Variants in SPART observed in about 807,000 individuals in gnomAD.
The protein encoded by SPART is spastic paraplegia 20 (Troyer syndrome).
Under a neutral mutation model 58.7 loss-of-function variants are expected in SPART, and 35 were observed. That is an observed-to-expected ratio of 0.60 (90% CI 0.46 to 0.79). The LOEUF is 0.79. Among genes scored for constraint, SPART ranks in the 30% least tolerant of loss-of-function variants. SPART has a pLI of 0.00. For synonymous variants in SPART, 284 were observed against 280.7 expected, an observed-to-expected ratio of 1.01 and a Z score of -0.12; for missense variants, 730 against 786.1, an observed-to-expected ratio of 0.93 and a Z score of 0.85.
intron 3 of SPART, 21 bp downstream of exon 3, chr13:36,331,378 A>G (rs776991048): frequency 4.3e-6 from 7 of 1,609,536 alleles, no homozygotes; most frequent in Non-Finnish European, 6.0e-6. Flanking sequence ...TTTTCACCCT[A>G]AAGATGATCA....
At chr13:36,308,926 T>C (rs1204047467) in intron 8 of SPART, among the ~76,000 whole-genome samples, 2 of 152,194 alleles carry the variant, frequency 1.3e-5, no homozygotes, top group East Asian at 3.9e-4. Flanking sequence ...ATCTATTGTA[T>C]GTTTTATCTC....
rs1185052606 is a variant in SPART, at chr13:36,312,530, T to G, written c.1484-53A>C. 8.5e-6 allele frequency: 13 copies of G among 1,525,144 alleles called. 1 individual carries two copies. The Admixed American group carries it at 2.2e-4, about 26-fold the overall frequency. 94.5% of individuals were successfully genotyped at this position (1,525,144 alleles called of 1,614,324 possible). On this transcript the variant is annotated intron_variant, in intron 6 of 8. Coordinates refer to ENST00000438666, the MANE Select transcript of SPART (RefSeq NM_015087.5). ...TAGGAAAAATATATTATTCCCTTGA[T>G]TTTTACCACTCATCTTGCAACATTC...
At chr13:36,349,312 T>G (rs1020856394), upstream of SPART, among the ~76,000 whole-genome samples, 1 of 152,158 alleles carries the variant, frequency 6.6e-6, no homozygotes, top group East Asian at 1.9e-4. Flanking sequence ...AATTTTTGTT[T>G]TATGAGGTAT....
chr13:36,334,943 G>A (rs974874208), intron 2 of SPART, 78 bp downstream of exon 2: 4 of 1,182,136 alleles, frequency 3.4e-6, no homozygotes, highest in Non-Finnish European at 5.0e-6. Context: ...ACTTATACTG[G>A]ACACATAAAC....
chr13:36,335,792 A>C lies in SPART; in HGVS notation c.39T>G (p.Ile13Met), dbSNP rs2137556989. 1 of 1,613,570 alleles carries C rather than the reference A, an allele frequency of 6.2e-7. No individual in the cohort carries two copies. The highest frequency in any genetic ancestry group is 2.2e-5 in the East Asian group (1 of 44,882). Residue 13 changes from isoleucine to methionine, a missense_variant, in exon 2 of 9, where the codon ATT (isoleucine) becomes ATG (methionine). Physicochemically the swap from Ile to Met is conservative, Grantham distance 10. Transcript: ENST00000438666. ...TCTTATATGCTTCTCTGATGATCTTAATTTCAGCAGGTTCTCCATTTTGTG... is the reference window on the plus strand; with the variant it reads ...TCTTATATGCTTCTCTGATGATCTTCATTTCAGCAGGTTCTCCATTTTGTG... ...QEPQNGEPAE[I>M]KIIREAYKKA...
At chr13:36,319,738 T>C (rs201922280) in intron 5 of SPART, among the ~76,000 whole-genome samples, 4,556 of 107,802 alleles carry the variant, frequency 0.042, 135 homozygotes, top group East Asian at 0.11. Flanking sequence ...ATCCCAGCCT[T>C]TCTTCGCTTT....
intron 1 of SPART, among the ~76,000 whole-genome samples, chr13:36,366,377 C>T (rs1886053847): frequency 6.6e-6 from 1 of 152,182 alleles, no homozygotes; most frequent in African/African-American, 2.4e-5. Flanking sequence ...CACCACATCA[C>T]TTACCTGGTA....
Position 36,312,307 on chromosome 13 carries a change from GC to G in SPART, c.1642+11del. 2.5e-6 allele frequency: 4 copies of G among 1,613,898 alleles called. No homozygotes were observed. Among genetic ancestry groups the G allele is most frequent in the Non-Finnish European group, 3.4e-6 (4 of 1,179,942 alleles). On this transcript the variant is annotated intron_variant, in intron 7 of 8. Transcript: ENST00000438666. Reference sequence around the variant, plus strand: ...CGGACCTTCATAGTTAAAATTCTGGGCCCTTTGTTACCTTGAACACTACTTG... The same window carrying G: ...CGGACCTTCATAGTTAAAATTCTGGGCCTTTGTTACCTTGAACACTACTTG...
intron 1 of SPART, chr13:36,365,865 T>C (rs1445386224): frequency 4.7e-6 from 1 of 211,032 alleles, no homozygotes. Flanking sequence ...TCTTCTGGTC[T>C]CTTTACCCCT....
chr13:36,335,052 G>A lies in SPART; in HGVS notation c.779C>T (p.Thr260Met), dbSNP rs573668047. Residue 260 changes from threonine to methionine, a missense_variant, in exon 2 of 9, where the codon ACG becomes ATG. By Grantham distance (81) the Thr-to-Met change is moderately conservative. Transcript: ENST00000438666. ...IVRFLDNSLD[T>M]VLNRPPGFLQ... ...AAACCCGGGAGGACGGTTTAGAACC[G>A]TATCGAGAGAATTATCCAAAAACCT... The A allele has an allele frequency of 8.1e-6, 13 of 1,613,880 alleles. No individual in the cohort carries two copies. The highest frequency in any genetic ancestry group is 1.0e-5 in the Non-Finnish European group (12 of 1,179,996).
chr13:36,365,373 A>C (rs544021302), intron 1 of SPART: 1 of 306,754 alleles, frequency 3.3e-6, no homozygotes, highest in South Asian at 3.1e-5. Flanking sequence ...GTGTATGTGT[A>C]TGTGTGTTCT....
chr13:36,358,577 A>C (rs888216849), intron 1 of SPART, among the ~76,000 whole-genome samples: 1 of 152,206 alleles, frequency 6.6e-6, no homozygotes, highest in Non-Finnish European at 1.5e-5. Context: ...GTTTCTTTTA[A>C]AAGAGTCAGT....
intron 1 of SPART, among the ~76,000 whole-genome samples, chr13:36,363,166 G>C (rs913435309): frequency 4.6e-5 from 7 of 152,188 alleles, no homozygotes; most frequent in African/African-American, 1.7e-4. Context: ...TTTGCCTGAC[G>C]ATCTGTGAGA....
At position 36,335,390 on chromosome 13, in the gene SPART, A is replaced by T. The variant is rs1365573103; in HGVS notation, c.441T>A (p.Thr147=). 1.2e-6 allele frequency: 2 copies of T among 1,614,062 alleles called. No individual in the cohort carries two copies. The highest frequency in any genetic ancestry group is 1.7e-6 in the Non-Finnish European group (2 of 1,180,004). ...QHAEVNGNTS[T]PSAGAVAAPA... ...GTGCAGCAACTGCCCCTGCACTTGG[A>T]GTTGAGGTGTTTCCATTTACTTCAG... Residue 147 remains threonine, a synonymous_variant, in exon 2 of 9, where the codon ACT becomes ACA. Coordinates refer to ENST00000438666, the MANE Select transcript of SPART (RefSeq NM_015087.5).
At chr13:36,322,873 G>A (rs1882560232) in intron 5 of SPART, among the ~76,000 whole-genome samples, 1 of 152,170 alleles carries the variant, frequency 6.6e-6, no homozygotes, top group Non-Finnish European at 1.5e-5. Flanking sequence ...AAAGGTCTTT[G>A]TGGATCTGAC....
At chr13:36,340,181 T>A (rs946865678) in intron 1 of SPART, among the ~76,000 whole-genome samples, 1 of 151,780 alleles carries the variant, frequency 6.6e-6, no homozygotes, top group Non-Finnish European at 1.5e-5. Context: ...GCTAACAAGG[T>A]GAAACCCTGT....
upstream of SPART, among the ~76,000 whole-genome samples, chr13:36,347,158 A>G (rs760535803): frequency 6.6e-6 from 1 of 151,972 alleles, no homozygotes; most frequent in East Asian, 1.9e-4. Context: ...AAAAAAAAAC[A>G]GAAAAAAGAA....
chr13:36,358,960 G>A (rs1443356775), intron 1 of SPART, among the ~76,000 whole-genome samples: 1 of 152,100 alleles, frequency 6.6e-6, no homozygotes, highest in African/African-American at 2.4e-5. Flanking sequence ...CAAGTGGAAG[G>A]TCTTCTGCTG....
chr13:36,363,165 C>G (rs370215805), intron 1 of SPART, among the ~76,000 whole-genome samples: 1 of 152,176 alleles, frequency 6.6e-6, no homozygotes, highest in Non-Finnish European at 1.5e-5. Context: ...ATTTGCCTGA[C>G]GATCTGTGAG....
Sources: allele counts gnomAD v4.1 joint callset (sites outside exome capture counted in the v4.1 genomes callset), GRCh38; gene constraint gnomAD v4.1.1; transcripts MANE v1.5; gene names NCBI Gene and HGNC (gene_info 2026-07-23, HGNC 2026-07-21).